The following PARD3B variants were observed in gnomAD, a reference collection of about 807,000 sequenced individuals.
PARD3B encodes par-3 family cell polarity regulator beta, also known as partitioning defective 3 homolog B.
Under a neutral mutation model 130.2 loss-of-function variants are expected in PARD3B, and 103 were observed. That is an observed-to-expected ratio of 0.79 (90% CI 0.67 to 0.93). The LOEUF is 0.93. PARD3B is among the 40% of genes least tolerant of loss of function. The pLI, the probability that PARD3B is intolerant of heterozygous loss-of-function variation, is 0.00. For missense variants in PARD3B, 1,609 were observed against 1,499.2 expected, an observed-to-expected ratio of 1.07 and a Z score of -1.21; for synonymous variants, 583 against 553.2, an observed-to-expected ratio of 1.05 and a Z score of -0.76.
intron 18 of PARD3B, among the ~76,000 whole-genome samples, chr2:205,386,819 A>G (rs1348698026): frequency 6.6e-6 from 1 of 152,068 alleles, no homozygotes; most frequent in Non-Finnish European, 1.5e-5. Context: ...GACCTTAGGT[A>G]GGTCACTTGA....
rs1251468679 is a variant in PARD3B, at chr2:204,678,586, C to T, written c.121-7595C>T. 2.0e-5 allele frequency among the ~76,000 whole-genome samples: 3 copies of T among 152,014 alleles called. No individual in the cohort carries two copies. Among genetic ancestry groups the T allele is most frequent in the East Asian group, 3.9e-4 (2 of 5,166 alleles). Reference sequence around the variant, plus strand: ...TGGCTGACTCCAGCCGGGTCGTCTCCGAAGTCGTGTGGTCTGACATTAAGC... The same window carrying T: ...TGGCTGACTCCAGCCGGGTCGTCTCTGAAGTCGTGTGGTCTGACATTAAGC... On this transcript the variant is annotated intron_variant, in intron 1 of 22. Transcript: ENST00000406610. This position sits in a 1 kb window ranked among gnomAD's most constrained non-coding sequence, Gnocchi z 4.2.
At chr2:204,865,709 C>T (rs894980395) in intron 2 of PARD3B, among the ~76,000 whole-genome samples, 7 of 152,158 alleles carry the variant, frequency 4.6e-5, no homozygotes, top group African/African-American at 1.7e-4. Flanking sequence ...GATGGGTATA[C>T]TAAAATCTCA....
intron 18 of PARD3B, among the ~76,000 whole-genome samples, chr2:205,392,933 G>C (rs2045907261): frequency 6.6e-6 from 1 of 152,120 alleles, no homozygotes; most frequent in African/African-American, 2.4e-5. Flanking sequence ...TAACATAAAA[G>C]TGAGTAATGT....
At chr2:205,432,626 G>A (rs892896330) in intron 19 of PARD3B, among the ~76,000 whole-genome samples, 2 of 151,966 alleles carry the variant, frequency 1.3e-5, no homozygotes, top group African/African-American at 4.8e-5. Context: ...TATATTTTCA[G>A]TAGTGCCTTT....
chr2:205,165,075 C>T (rs76946122), intron 11 of PARD3B, among the ~76,000 whole-genome samples: 2,735 of 151,908 alleles, frequency 0.018, 74 homozygotes, highest in African/African-American at 0.063. Flanking sequence ...AAATGGCTTC[C>T]GAAATTCTAA....
At position 204,610,338 on chromosome 2, in the gene PARD3B, A is replaced by T. The variant is rs376961676; in HGVS notation, c.120+64219A>T. ...TTTACAATGATTTGTTAAGTAGTCT[A>T]TCGGCATTATTCTGACTTATTGTTC... is the stretch of plus-strand genomic sequence containing the variant. On this transcript the variant is annotated intron_variant, in intron 1 of 22. Transcript: ENST00000406610. The surrounding 1 kb of genome is among the most constrained non-coding windows in gnomAD (Gnocchi z 4.1). Among the ~76,000 whole-genome samples, 2 of 152,202 alleles carry T rather than the reference A, an allele frequency of 1.3e-5. No individual in the cohort carries two copies. The highest frequency in any genetic ancestry group is 2.9e-5 in the Non-Finnish European group (2 of 68,030).
At chr2:205,054,434 A>ATTTTT (rs1482779392) in intron 4 of PARD3B, among the ~76,000 whole-genome samples, 9 of 29,486 alleles carry the variant, frequency 3.1e-4, no homozygotes, top group South Asian at 2.3e-3. Context: ...ATATATATAT[A>ATTTTT]TATTTTTTTT....
At chr2:204,659,438 C>T (rs2035731371) in intron 1 of PARD3B, among the ~76,000 whole-genome samples, 1 of 152,068 alleles carries the variant, frequency 6.6e-6, no homozygotes, top group African/African-American at 2.4e-5. Context: ...AATCAAATTC[C>T]CTGAATGAGG....
intron 18 of PARD3B, among the ~76,000 whole-genome samples, chr2:205,360,110 A>G (rs1040555938): frequency 1.3e-5 from 2 of 152,158 alleles, no homozygotes; most frequent in Non-Finnish European, 2.9e-5. Context: ...AATGCATATC[A>G]AGTTGTATTT....
intron 2 of PARD3B, among the ~76,000 whole-genome samples, chr2:204,865,017 T>C (rs761907355): frequency 8.6e-5 from 13 of 151,922 alleles, no homozygotes; most frequent in South Asian, 2.1e-4. Context: ...AAGAAACATA[T>C]GGAAAAATGC....
chr2:205,049,285 C>A (rs1699021351), intron 4 of PARD3B, among the ~76,000 whole-genome samples: 1 of 152,130 alleles, frequency 6.6e-6, no homozygotes, highest in Admixed American at 6.6e-5. Context: ...AACTTAAAAT[C>A]ATGGTGGAAG....
chr2:205,166,098 A>G (rs1316078157), intron 11 of PARD3B, among the ~76,000 whole-genome samples: 1 of 152,214 alleles, frequency 6.6e-6, no homozygotes. Flanking sequence ...TTGAACATTT[A>G]GAGTGAGTTA....
chr2:205,175,757 A>C (rs779456431), intron 12 of PARD3B, among the ~76,000 whole-genome samples: 1 of 152,220 alleles, frequency 6.6e-6, no homozygotes, highest in Non-Finnish European at 1.5e-5. Context: ...AGAGTTCTCT[A>C]TCATCAGCCT....
intron 19 of PARD3B, among the ~76,000 whole-genome samples, chr2:205,439,063 C>A (rs1160074118): frequency 6.6e-6 from 1 of 152,076 alleles, no homozygotes; most frequent in African/African-American, 2.4e-5. Flanking sequence ...GAGAAAAATA[C>A]CTCAGAAAAT....
At chr2:204,877,459 C>T (rs2045888792) in intron 2 of PARD3B, among the ~76,000 whole-genome samples, 1 of 152,026 alleles carries the variant, frequency 6.6e-6, no homozygotes, top group Non-Finnish European at 1.5e-5. Context: ...AGAAGGAGGG[C>T]TGACTTTTCC....
At chr2:205,154,537 C>T (rs2125702901) in intron 10 of PARD3B, among the ~76,000 whole-genome samples, 1 of 152,280 alleles carries the variant, frequency 6.6e-6, no homozygotes, top group South Asian at 2.1e-4. Flanking sequence ...CCATCAATCC[C>T]ATTACTGGGT....
rs190916012 is a variant in PARD3B, at chr2:205,356,181, G to A, written c.2631-44832G>A. On this transcript the variant is annotated intron_variant, in intron 18 of 22. Transcript: ENST00000406610. Reference sequence around the variant, plus strand: ...CCTACTGTTCTTCTTGCTGTACATCGATAAAGGTTTATCAAACTTTGTGTT... The same window carrying A: ...CCTACTGTTCTTCTTGCTGTACATCAATAAAGGTTTATCAAACTTTGTGTT... Among the ~76,000 whole-genome samples, 18 of 152,188 alleles carry A rather than the reference G, an allele frequency of 1.2e-4. No individual in the cohort carries two copies. In the East Asian group the frequency reaches 1.7e-3, roughly 15 times the overall value.
intron 19 of PARD3B, among the ~76,000 whole-genome samples, chr2:205,425,959 T>C (rs2047130417): frequency 6.6e-6 from 1 of 152,188 alleles, no homozygotes. Flanking sequence ...GTCAGTATTA[T>C]AGAATGTCAA....
chr2:204,862,206 A>G (rs1188470208), intron 2 of PARD3B, among the ~76,000 whole-genome samples: 1 of 152,154 alleles, frequency 6.6e-6, no homozygotes, highest in Non-Finnish European at 1.5e-5. Context: ...TCATTTTGGC[A>G]ATGAAGCTGG....
Sources: allele counts gnomAD v4.1 joint callset (sites outside exome capture counted in the v4.1 genomes callset), GRCh38; gene constraint gnomAD v4.1.1; non-coding constraint Gnocchi (gnomAD v3.1); transcripts MANE v1.5; gene names NCBI Gene and HGNC (gene_info 2026-07-23, HGNC 2026-07-21).